SEMA3C: variants seen among roughly 807,000 people sequenced by gnomAD.
The protein encoded by SEMA3C is semaphorin-3C.
A neutral mutation model predicts 89.4 loss-of-function variants in SEMA3C; 47 were observed. The observed-to-expected ratio is 0.53, with a 90% CI of 0.42 to 0.67. SEMA3C has a LOEUF of 0.67. Among genes scored for constraint, SEMA3C ranks in the 30% least tolerant of loss-of-function variants. SEMA3C has a pLI of 0.00. For synonymous variants in SEMA3C, 310 were observed against 320.2 expected, an observed-to-expected ratio of 0.97 and a Z score of 0.34; for missense variants, 839 against 929.1, an observed-to-expected ratio of 0.90 and a Z score of 1.26.
In SEMA3C at chr7:80,769,368, T is replaced by TA. The variant is rs1227910330; in HGVS notation, c.1355-4126dup. On this transcript the variant is annotated intron_variant, in intron 12 of 17. Coordinates refer to ENST00000265361, the MANE Select transcript of SEMA3C (RefSeq NM_006379.5). Reference sequence around the variant, plus strand: ...TTTTGCTTAGAAAGGTTCTGATAGATAAAACTATCAGCTCTGAAAAGAAAT... The same window carrying TA: ...TTTTGCTTAGAAAGGTTCTGATAGATAAAAACTATCAGCTCTGAAAAGAAAT... Among the ~76,000 whole-genome samples, 8 of 152,234 alleles carry TA rather than the reference T, an allele frequency of 5.3e-5. No individual in the cohort carries two copies. In the South Asian group the frequency reaches 1.4e-3, roughly 28 times the overall value.
chr7:80,747,035 T>C (rs1184728151), intron 17 of SEMA3C, among the ~76,000 whole-genome samples: 3 of 151,958 alleles, frequency 2.0e-5, no homozygotes, highest in Admixed American at 1.3e-4. Context: ...CATGTTTTCT[T>C]AAAATAGAAA....
At chr7:80,746,883 A>ATTT (rs1787814416) in intron 17 of SEMA3C, among the ~76,000 whole-genome samples, 5 of 152,050 alleles carry the variant, frequency 3.3e-5, no homozygotes, top group Non-Finnish European at 5.9e-5. Flanking sequence ...TAAAAGTGAG[A>ATTT]ATAAGTATTG....
At chr7:80,906,724 C>A (rs1792025068) in intron 2 of SEMA3C, among the ~76,000 whole-genome samples, 1 of 151,212 alleles carries the variant, frequency 6.6e-6, no homozygotes, top group Non-Finnish European at 1.5e-5. Context: ...CAGTGTAGAT[C>A]ATTATAAAAT....
At chr7:80,781,861 T>C (rs1005439853) in intron 12 of SEMA3C, among the ~76,000 whole-genome samples, 1 of 152,158 alleles carries the variant, frequency 6.6e-6, no homozygotes, top group African/African-American at 2.4e-5. Context: ...TAGAGAAACA[T>C]CAGGGATTCA....
chr7:80,786,672 G>A (rs1788811170), intron 12 of SEMA3C, among the ~76,000 whole-genome samples: 1 of 152,348 alleles, frequency 6.6e-6, no homozygotes, highest in East Asian at 1.9e-4. Context: ...ATATGCAAAT[G>A]AAGATTAGCT....
chr7:80,881,336 T>C (rs1056050083), intron 2 of SEMA3C, among the ~76,000 whole-genome samples: 5 of 152,326 alleles, frequency 3.3e-5, no homozygotes, highest in Middle Eastern at 3.4e-3. Flanking sequence ...TTTGTCATTT[T>C]CATATACCTG....
intron 14 of SEMA3C, among the ~76,000 whole-genome samples, chr7:80,759,275 T>C (rs1788133225): frequency 6.6e-6 from 1 of 152,172 alleles, no homozygotes; most frequent in Non-Finnish European, 1.5e-5. Flanking sequence ...TAACTCAAGT[T>C]AGCACAGAAT....
Position 80,886,536 on chromosome 7 carries a change from T to C in SEMA3C, c.103+30143A>G, listed in dbSNP as rs917572831. On this transcript the variant is annotated intron_variant, in intron 2 of 17. Coordinates refer to ENST00000265361, the MANE Select transcript of SEMA3C (RefSeq NM_006379.5). ...ACCCAGCTAATTTTTGTATTTTTAG[T>C]ACAGATGGGGTTTCACCATGTTGGT... is the stretch of plus-strand genomic sequence containing the variant. Among the ~76,000 whole-genome samples, 10 of 151,968 alleles carry C rather than the reference T, an allele frequency of 6.6e-5. 1 individual carries two copies. The highest frequency in any genetic ancestry group is 4.4e-5 in the Non-Finnish European group (3 of 67,970).
At chr7:80,750,473 T>TATATATACACACACACACAC (rs869227686) in intron 16 of SEMA3C, among the ~76,000 whole-genome samples, 9 of 55,440 alleles carry the variant, frequency 1.6e-4, no homozygotes, top group Non-Finnish European at 2.8e-4. Context: ...TATATATATA[T>TATATATACACACACACACAC]ACACACACAC....
At chr7:80,918,377 G>C (rs952573641) in intron 1 of SEMA3C, 1 of 152,136 alleles carries the variant, frequency 6.6e-6, no homozygotes, top group African/African-American at 2.4e-5. Context: ...GTGAAACGAA[G>C]ATAGTCTACA....
At chr7:80,877,815 G>A (rs929670697) in intron 2 of SEMA3C, among the ~76,000 whole-genome samples, 3 of 151,862 alleles carry the variant, frequency 2.0e-5, no homozygotes, top group Non-Finnish European at 4.4e-5. Context: ...CTTTTGAAAT[G>A]GAAGAGATAA....
chr7:80,902,497 T>C (rs1344310944), intron 2 of SEMA3C, among the ~76,000 whole-genome samples: 1 of 152,150 alleles, frequency 6.6e-6, no homozygotes, highest in East Asian at 1.9e-4. Context: ...ACAAAGTTAA[T>C]CTCTCATATA....
At position 80,789,515 on chromosome 7, in the gene SEMA3C, G is replaced by C; in HGVS notation, c.1145C>G (p.Ala382Gly). 1 of 1,610,170 alleles carries C rather than the reference G, an allele frequency of 6.2e-7. No homozygotes were observed. The highest frequency in any genetic ancestry group is 8.5e-7 in the Non-Finnish European group (1 of 1,177,774). Residue 382 changes from alanine (A) to glycine (G), a missense_variant, in exon 12 of 18, where the codon GCA becomes GGA. By Grantham distance (60) the Ala-to-Gly change is moderately conservative. Transcript: ENST00000265361. ...YPRPGTCPGG[A>G]FTPNMRTTKE... ...GGTGGTTCGCATATTGGGTGTAAATGCTCCTCCTGGACACTAGAAAGAAAG... is the reference window on the plus strand; with the variant it reads ...GGTGGTTCGCATATTGGGTGTAAATCCTCCTCCTGGACACTAGAAAGAAAG...
chr7:80,821,123 T>C (rs1320877417), intron 4 of SEMA3C, among the ~76,000 whole-genome samples: 1 of 152,210 alleles, frequency 6.6e-6, no homozygotes, highest in Non-Finnish European at 1.5e-5. Context: ...GAAATAATCA[T>C]ATTGTATATT....
Position 80,802,763 on chromosome 7 carries a change from A to G in SEMA3C, c.818T>C (p.Leu273Pro), listed in dbSNP as rs1431845475. ...GGTCCACTTGTTGACAAGGCTACGC[A>G]GTCCACCAGTGTCATTCTAAAACCA... ...ARICPNDTGG[L>P]RSLVNKWTTF... is the part of the protein sequence containing the mutation. The change falls in exon 9 of 18, where the codon CTG (leucine) becomes CCG (proline). Residue 273 changes from leucine (L) to proline (P), a missense_variant. By Grantham distance (98) the Leu-to-Pro change is moderately conservative (BLOSUM62 -3). Coordinates refer to ENST00000265361, the MANE Select transcript of SEMA3C (RefSeq NM_006379.5). 3 of 1,611,936 alleles carry G rather than the reference A, an allele frequency of 1.9e-6. No individual in the cohort carries two copies. Among genetic ancestry groups the G allele is most frequent in the East Asian group, 4.5e-5 (2 of 44,830 alleles).
At chr7:80,812,487 G>T (rs1007661966) in intron 5 of SEMA3C, among the ~76,000 whole-genome samples, 2 of 152,092 alleles carry the variant, frequency 1.3e-5, no homozygotes, top group African/African-American at 4.8e-5. Context: ...AAAAAAAATA[G>T]TAAGCCTTGT....
intron 2 of SEMA3C, among the ~76,000 whole-genome samples, chr7:80,856,654 T>C (rs1380205131): frequency 6.7e-6 from 1 of 149,370 alleles, no homozygotes; most frequent in African/African-American, 2.5e-5. Context: ...GCTTTGCGAA[T>C]ATAAACTCTT....
At chr7:80,784,647 G>C (rs1322193042) in intron 12 of SEMA3C, among the ~76,000 whole-genome samples, 4 of 151,894 alleles carry the variant, frequency 2.6e-5, no homozygotes, top group African/African-American at 9.7e-5. Context: ...ATATATTTCT[G>C]GCTTGGCTGG....
intron 2 of SEMA3C, among the ~76,000 whole-genome samples, chr7:80,870,889 G>A (rs1023196635): frequency 6.6e-6 from 1 of 152,136 alleles, no homozygotes; most frequent in African/African-American, 2.4e-5. Context: ...CCTTCAAATC[G>A]CTCCAGAGAT....
Sources: allele counts gnomAD v4.1 joint callset (sites outside exome capture counted in the v4.1 genomes callset), GRCh38; gene constraint gnomAD v4.1.1; transcripts MANE v1.5; gene names NCBI Gene and HGNC (gene_info 2026-07-23, HGNC 2026-07-21).